PRKN: variants seen among roughly 807,000 people sequenced by gnomAD.
PRKN encodes parkin RBR E3 ubiquitin protein ligase.
In PRKN, 56 loss-of-function variants were observed where a neutral mutation model predicts 59.5. The observed-to-expected ratio is 0.94, with a 90% CI of 0.76 to 1.18. The LOEUF (loss-of-function observed/expected upper bound fraction) is 1.18, where lower values mean the gene tolerates loss of function less well. Among genes scored for constraint, PRKN ranks in the 50% most tolerant of loss-of-function variants. The pLI, the probability that PRKN is intolerant of heterozygous loss-of-function variation, is 0.00. For synonymous variants in PRKN, 250 were observed against 222.1 expected (o/e 1.13, Z -1.12); for missense variants, 657 against 596.4 (o/e 1.10, Z -1.06).
intron 3 of PRKN, among the ~76,000 whole-genome samples, chr6:162,246,344 A>G (rs1452095817): frequency 6.6e-6 from 1 of 152,136 alleles, no homozygotes; most frequent in East Asian, 1.9e-4. Flanking sequence ...CTGTACACCA[A>G]AGAGACATGC....
chr6:161,670,748 A>G (rs1784879283), intron 7 of PRKN, among the ~76,000 whole-genome samples: 1 of 152,100 alleles, frequency 6.6e-6, no homozygotes, highest in African/African-American at 2.4e-5. Flanking sequence ...CCCGGGAGGC[A>G]GAGCTTGCAG....
At position 161,946,960 on chromosome 6, in the gene PRKN, T is replaced by C. The variant is rs145190824; in HGVS notation, c.734+26342A>G. On this transcript the variant is annotated intron_variant, in intron 6 of 11. Transcript: ENST00000366898. ...TGCAAAAGATGGGGAAATACCCAAATTGCTGAACACTTCTGTAGATCTCAT... is the reference window on the plus strand; with the variant it reads ...TGCAAAAGATGGGGAAATACCCAAACTGCTGAACACTTCTGTAGATCTCAT... Among the ~76,000 whole-genome samples the C allele has an allele frequency of 2.3e-3, 344 of 152,318 alleles. 1 individual carries two copies. Among genetic ancestry groups the C allele is most frequent in the African/African-American group, 7.9e-3 (327 of 41,582 alleles).
At chr6:162,091,847 G>A (rs558222982) in intron 4 of PRKN, among the ~76,000 whole-genome samples, 1 of 151,890 alleles carries the variant, frequency 6.6e-6, no homozygotes, top group African/African-American at 2.4e-5. Flanking sequence ...AACTAGCTTG[G>A]GCAACAAAGT....
intron 5 of PRKN, among the ~76,000 whole-genome samples, chr6:162,022,219 G>C (rs1336579144): frequency 6.6e-6 from 1 of 152,120 alleles, no homozygotes; most frequent in Non-Finnish European, 1.5e-5. Context: ...TGGGATTGCA[G>C]GGTTGAATGG....
intron 1 of PRKN, among the ~76,000 whole-genome samples, chr6:162,474,972 G>A (rs948204738): frequency 6.6e-6 from 1 of 152,070 alleles, no homozygotes; most frequent in Non-Finnish European, 1.5e-5. Context: ...AAATGAAATC[G>A]ATTTTTTAAT....
At position 161,404,418 on chromosome 6, in the gene PRKN, C is replaced by T. The variant is rs138643736; in HGVS notation, c.1084-17541G>A. ...TCTCCCTGGACAGTCTGTCCAAATTCCACAGCCCCAGTGACACTTTGTGTC... is the reference window on the plus strand; with the variant it reads ...TCTCCCTGGACAGTCTGTCCAAATTTCACAGCCCCAGTGACACTTTGTGTC... On this transcript the variant is annotated intron_variant, in intron 9 of 11. Coordinates refer to ENST00000366898, the MANE Select transcript of PRKN (RefSeq NM_004562.3). Among the ~76,000 whole-genome samples, 418 of 152,266 alleles carry T rather than the reference C, an allele frequency of 2.7e-3. 3 individuals carry two copies. The highest frequency in any genetic ancestry group is 5.2e-3 in the Non-Finnish European group (354 of 68,028).
Position 161,529,755 on chromosome 6 carries a change from G to C in PRKN, c.1083+19099C>G, listed in dbSNP as rs535427922. On this transcript the variant is annotated intron_variant, in intron 9 of 11. Coordinates refer to ENST00000366898, the MANE Select transcript of PRKN (RefSeq NM_004562.3). The surrounding 1 kb of genome is among the most constrained non-coding windows in gnomAD (Gnocchi z 4.4). Reference sequence around the variant, plus strand: ...ATTTATAAACATTATTGGTACAACTGATTTTTGTCTCTGGCTGGAAAATTT... The same window carrying C: ...ATTTATAAACATTATTGGTACAACTCATTTTTGTCTCTGGCTGGAAAATTT... Among the ~76,000 whole-genome samples, 31 of 152,264 alleles carry C rather than the reference G, an allele frequency of 2.0e-4. No individual in the cohort carries two copies. The highest frequency in any genetic ancestry group is 7.0e-4 in the African/African-American group (29 of 41,546).
chr6:162,574,207 A>C (rs1660338640), intron 1 of PRKN, among the ~76,000 whole-genome samples: 1 of 152,098 alleles, frequency 6.6e-6, no homozygotes, highest in South Asian at 2.1e-4. Context: ...TAGCCCCCAA[A>C]TCTTCAAAGA....
chr6:161,952,360 G>A (rs1784599), intron 6 of PRKN, among the ~76,000 whole-genome samples: 1 of 152,036 alleles, frequency 6.6e-6, no homozygotes, highest in Non-Finnish European at 1.5e-5. Context: ...GCTCATGCCT[G>A]TAATCCCAGC....
intron 1 of PRKN, among the ~76,000 whole-genome samples, chr6:162,572,438 T>C (rs906783474): frequency 5.3e-5 from 8 of 152,194 alleles, no homozygotes; most frequent in Non-Finnish European, 4.4e-5. Context: ...TTAGCTCCTC[T>C]TGCTCCAGCT....
chr6:161,537,445 T>TC (rs1185709617), intron 9 of PRKN, among the ~76,000 whole-genome samples: 1 of 152,104 alleles, frequency 6.6e-6, no homozygotes, highest in Non-Finnish European at 1.5e-5. Flanking sequence ...TCTTTTTTTT[T>TC]TCTTTTCTTT....
At chr6:162,389,151 G>T (rs563576832) in intron 2 of PRKN, among the ~76,000 whole-genome samples, 4 of 151,904 alleles carry the variant, frequency 2.6e-5, no homozygotes, top group Admixed American at 2.6e-4. Flanking sequence ...AGGCTAGTTT[G>T]TGTTCTCCAA....
intron 1 of PRKN, among the ~76,000 whole-genome samples, chr6:162,630,041 C>T (rs1314815068): frequency 6.6e-6 from 1 of 152,090 alleles, no homozygotes; most frequent in Non-Finnish European, 1.5e-5. Flanking sequence ...TCATCACATG[C>T]GTCAACTGTG....
intron 2 of PRKN, among the ~76,000 whole-genome samples, chr6:162,351,558 G>A (rs1306254788): frequency 1.3e-5 from 2 of 152,102 alleles, no homozygotes; most frequent in African/African-American, 4.8e-5. Flanking sequence ...ATTTCGCAGG[G>A]AAGTATTTGC....
chr6:162,359,092 A>C (rs1562699595), intron 2 of PRKN, among the ~76,000 whole-genome samples: 1 of 144,264 alleles, frequency 6.9e-6, no homozygotes, highest in East Asian at 2.0e-4. Context: ...ATATATATAT[A>C]TATATGAAAT....
chr6:161,531,600 G>T (rs536980460), intron 9 of PRKN, among the ~76,000 whole-genome samples: 1 of 152,248 alleles, frequency 6.6e-6, no homozygotes, highest in East Asian at 1.9e-4. Flanking sequence ...CAAAGGAGAA[G>T]ATTTTCTCTT....
chr6:161,927,728 C>A (rs1779019905), intron 6 of PRKN, among the ~76,000 whole-genome samples: 1 of 151,616 alleles, frequency 6.6e-6, no homozygotes, highest in Non-Finnish European at 1.5e-5. Context: ...TGAGCCAAGA[C>A]CCTGCCACTG....
intron 6 of PRKN, among the ~76,000 whole-genome samples, chr6:161,833,089 G>C (rs951016570): frequency 2.0e-5 from 3 of 152,154 alleles, no homozygotes; most frequent in East Asian, 1.9e-4. Context: ...ACAATGCAAC[G>C]TCTACTGTGT....
At position 162,414,710 on chromosome 6, in the gene PRKN, C is replaced by CAA. The variant is rs1397574412; in HGVS notation, c.171+28598_171+28599dup. ...TGGTCAACTGAGCAAGACTCCGTCT[C>CAA]AAAAAAAAAAAAAAAAAGTGAATCT... On this transcript the variant is annotated intron_variant, in intron 2 of 11. Transcript: ENST00000366898. Among the ~76,000 whole-genome samples the CAA allele has an allele frequency of 6.6e-4, 67 of 101,956 alleles. 1 individual carries two copies. The highest frequency in any genetic ancestry group is 2.4e-3 in the African/African-American group (64 of 26,916). The allele number at this position is 101,956 out of a possible 152,430, so 66.9% of individuals were successfully genotyped here.
Sources: gnomAD v4.1 joint callset for allele counts (sites outside exome capture counted in the v4.1 genomes callset) on GRCh38, gnomAD v4.1.1 for gene constraint, Gnocchi (gnomAD v3.1) non-coding constraint, MANE v1.5 for transcripts, NCBI Gene and HGNC (gene_info 2026-07-23, HGNC 2026-07-21) for gene names.